The following BCKDHB variants were observed in gnomAD, a reference collection of about 807,000 sequenced individuals.
The protein encoded by BCKDHB is 2-oxoisovalerate dehydrogenase subunit beta, mitochondrial.
BCKDHB carries 41 observed loss-of-function variants against 48.5 expected under a neutral mutation model. That is an observed-to-expected ratio of 0.85 (90% CI 0.66 to 1.10). The LOEUF (loss-of-function observed/expected upper bound fraction) is 1.10, where lower values mean the gene tolerates loss of function less well. Among genes scored for constraint, BCKDHB ranks in the 50% least tolerant of loss-of-function variants. The probability of loss-of-function intolerance (pLI) is 0.00; values close to 1 mark genes in which losing one functional copy is unlikely to be tolerated. For missense variants in BCKDHB, 496 were observed against 494.2 expected (o/e 1.00, Z -0.03); for synonymous variants, 201 against 174.8 (o/e 1.15, Z -1.18).
intron 1 of BCKDHB, among the ~76,000 whole-genome samples, chr6:80,124,471 C>G (rs1052670964): frequency 6.6e-5 from 10 of 151,974 alleles, no homozygotes; most frequent in African/African-American, 2.4e-4. Context: ...TCTCGTTGTT[C>G]TGTCTAATAT....
At chr6:80,181,158 A>G (rs1773395125) in intron 6 of BCKDHB, among the ~76,000 whole-genome samples, 1 of 152,170 alleles carries the variant, frequency 6.6e-6, no homozygotes. Context: ...AAGTGGACTA[A>G]GACAATTAGG....
At chr6:80,123,396 A>T (rs1055787040) in intron 1 of BCKDHB, among the ~76,000 whole-genome samples, 1 of 152,184 alleles carries the variant, frequency 6.6e-6, no homozygotes, top group Non-Finnish European at 1.5e-5. Flanking sequence ...TTCACGATTT[A>T]TGTTCCTCTG....
At chr6:80,348,120 T>A (rs1211512512), downstream of BCKDHB, among the ~76,000 whole-genome samples, 1 of 152,102 alleles carries the variant, frequency 6.6e-6, no homozygotes, top group Non-Finnish European at 1.5e-5. Context: ...TAAAAAAAAA[T>A]GAATAAGATT....
intron 9 of BCKDHB, among the ~76,000 whole-genome samples, chr6:80,337,342 G>GT (rs1367908913): frequency 2.6e-5 from 4 of 152,024 alleles, no homozygotes; most frequent in African/African-American, 9.7e-5. Flanking sequence ...TAGAATACTG[G>GT]TTTTGTTTTT....
At chr6:80,377,026 T>G in the BCKDHB span, among the ~76,000 whole-genome samples, 1 of 142,992 alleles carries the variant, frequency 7.0e-6, no homozygotes, top group African/African-American at 2.5e-5. Flanking sequence ...TCCTTTGAAT[T>G]ATAAAGGCTT....
intron 9 of BCKDHB, among the ~76,000 whole-genome samples, chr6:80,317,762 T>C (rs1358096702): frequency 6.6e-6 from 1 of 152,238 alleles, no homozygotes; most frequent in Non-Finnish European, 1.5e-5. Context: ...CACACTAGTC[T>C]GGTGACTTGA....
the BCKDHB span, among the ~76,000 whole-genome samples, chr6:80,427,365 G>A: frequency 8.6e-5 from 13 of 151,848 alleles, no homozygotes; most frequent in Admixed American, 7.2e-4. Flanking sequence ...TTATAGTAGT[G>A]TATTTTCATT....
At chr6:80,302,227 A>G (rs1767621716) in intron 9 of BCKDHB, among the ~76,000 whole-genome samples, 1 of 152,200 alleles carries the variant, frequency 6.6e-6, no homozygotes, top group African/African-American at 2.4e-5. Flanking sequence ...TTCATTAAAA[A>G]TATGATTTTA....
chr6:80,114,189 A>G (rs1414393873), intron 1 of BCKDHB, among the ~76,000 whole-genome samples: 1 of 151,596 alleles, frequency 6.6e-6, no homozygotes, highest in Non-Finnish European at 1.5e-5. Flanking sequence ...TCCAGACCCT[A>G]TTCTGCCTCA....
At chr6:80,180,102 C>G (rs1424455301) in intron 6 of BCKDHB, among the ~76,000 whole-genome samples, 1 of 152,190 alleles carries the variant, frequency 6.6e-6, no homozygotes, top group African/African-American at 2.4e-5. Context: ...TGATTTCTTT[C>G]AATTCAACCA....
chr6:80,423,041 T>G, the BCKDHB span, among the ~76,000 whole-genome samples: 1 of 152,144 alleles, frequency 6.6e-6, no homozygotes, highest in African/African-American at 2.4e-5. Context: ...CCCAAAATTA[T>G]AATCCAATTG....
chr6:80,171,369 A>T lies in BCKDHB; in HGVS notation c.721A>T (p.Lys241Ter), dbSNP rs1159943999. ...AAATCCTTGTATATTTTTTGAACCTAAAATACTTTACAGGGCAGCAGGTAA... is the reference window on the plus strand; with the variant it reads ...AAATCCTTGTATATTTTTTGAACCTTAAATACTTTACAGGGCAGCAGGTAA... The part of the protein sequence containing the change: ...DKNPCIFFEP[K>*]ILYRAAAEEV... The change falls in exon 6 of 10, where the codon AAA becomes TAA. Residue 241 changes from lysine to a stop codon, truncating the protein, a stop_gained. Transcript: ENST00000320393. LOFTEE classifies it high-confidence loss of function. 6.2e-7 allele frequency: 1 copy of T among 1,601,052 alleles called. No homozygotes were observed. The highest frequency in any genetic ancestry group is 8.5e-7 in the Non-Finnish European group (1 of 1,172,220).
chr6:80,406,636 T>C, the BCKDHB span, among the ~76,000 whole-genome samples: 3 of 152,252 alleles, frequency 2.0e-5, no homozygotes, highest in African/African-American at 7.2e-5. Context: ...ATGTGTCTGT[T>C]GGCTGCATAA....
At chr6:80,136,290 G>T (rs1473042660) in intron 3 of BCKDHB, among the ~76,000 whole-genome samples, 4 of 152,074 alleles carry the variant, frequency 2.6e-5, no homozygotes, top group Non-Finnish European at 1.5e-5. Flanking sequence ...ATAGAATAGA[G>T]AACCCAGAAA....
At chr6:80,210,471 C>G (rs529954657) in intron 8 of BCKDHB, among the ~76,000 whole-genome samples, 1 of 152,114 alleles carries the variant, frequency 6.6e-6, no homozygotes, top group South Asian at 2.1e-4. Context: ...CTATGAGTTG[C>G]TGGTAACAGT....
the BCKDHB span, among the ~76,000 whole-genome samples, chr6:80,353,293 C>G: frequency 6.6e-6 from 1 of 152,274 alleles, no homozygotes; most frequent in Non-Finnish European, 1.5e-5. Context: ...ACCATCTTTT[C>G]TTTATCCAAT....
intron 9 of BCKDHB, among the ~76,000 whole-genome samples, chr6:80,274,633 C>T (rs1777894915): frequency 6.6e-6 from 1 of 151,964 alleles, no homozygotes. Flanking sequence ...TTATTGATAT[C>T]TCAAAAGTTT....
At chr6:80,418,909 C>G in the BCKDHB span, among the ~76,000 whole-genome samples, 2 of 152,126 alleles carry the variant, frequency 1.3e-5, no homozygotes, top group Non-Finnish European at 2.9e-5. Context: ...CGTAGTTTTC[C>G]TGGAGGCGAT....
At chr6:80,319,397 C>T (rs1768600656) in intron 9 of BCKDHB, among the ~76,000 whole-genome samples, 1 of 152,134 alleles carries the variant, frequency 6.6e-6, no homozygotes, top group Non-Finnish European at 1.5e-5. Context: ...GACCTACTAC[C>T]CAGAAAATAT....
Sources: allele counts gnomAD v4.1 joint callset (sites outside exome capture counted in the v4.1 genomes callset), GRCh38; gene constraint gnomAD v4.1.1; transcripts MANE v1.5; gene names NCBI Gene and HGNC (gene_info 2026-07-23, HGNC 2026-07-21).